PDE1A: variants seen among roughly 807,000 people sequenced by gnomAD.
The protein encoded by PDE1A is phosphodiesterase 1A, also known as dual specificity calcium/calmodulin-dependent 3',5'-cyclic nucleotide phosphodiesterase 1A.
A neutral mutation model predicts 61.7 loss-of-function variants in PDE1A; 35 were observed. The ratio of observed to expected loss-of-function variants is 0.57; its 90% CI spans 0.43 to 0.75. PDE1A has a LOEUF of 0.75. Ranked by LOEUF, PDE1A falls within the 30% of genes least tolerant of loss-of-function variation. The pLI is 0.00. For synonymous variants in PDE1A, 232 were observed against 213.2 expected, an observed-to-expected ratio of 1.09 and a Z score of -0.77; for missense variants, 597 against 630.6, an observed-to-expected ratio of 0.95 and a Z score of 0.57.
At chr2:182,294,619 C>T (rs1694751666) in intron 1 of PDE1A, among the ~76,000 whole-genome samples, 2 of 152,130 alleles carry the variant, frequency 1.3e-5, no homozygotes, top group Non-Finnish European at 1.5e-5. Flanking sequence ...TCACATTACC[C>T]TGTGTCTTTC....
At chr2:182,529,290 T>C in the PDE1A span, among the ~76,000 whole-genome samples, 1 of 152,150 alleles carries the variant, frequency 6.6e-6, no homozygotes, top group Non-Finnish European at 1.5e-5. Context: ...TCAAAGGAGA[T>C]CATTTTGGAG....
At chr2:182,673,041 A>G in the PDE1A span, among the ~76,000 whole-genome samples, 79 of 152,310 alleles carry the variant, frequency 5.2e-4, no homozygotes, top group African/African-American at 1.9e-3. Context: ...ACAGCAGAGT[A>G]ATTTTTCCGG....
At chr2:182,693,065 G>A in the PDE1A span, among the ~76,000 whole-genome samples, 11 of 152,146 alleles carry the variant, frequency 7.2e-5, no homozygotes, top group Admixed American at 2.6e-4. Flanking sequence ...ACTCCAGCCT[G>A]GGTGACAGAG....
the PDE1A span, among the ~76,000 whole-genome samples, chr2:182,664,296 G>T: frequency 6.6e-6 from 1 of 152,104 alleles, no homozygotes; most frequent in East Asian, 1.9e-4. Flanking sequence ...TTGCAAATAT[G>T]ACCATGGATT....
At chr2:182,320,352 G>A (rs540533422) in intron 1 of PDE1A, among the ~76,000 whole-genome samples, 1 of 152,252 alleles carries the variant, frequency 6.6e-6, no homozygotes, top group South Asian at 2.1e-4. Context: ...AGGTGCTGGG[G>A]TATGAGGGCT....
chr2:182,232,949 G>A (rs1464267967), intron 4 of PDE1A, among the ~76,000 whole-genome samples: 1 of 152,146 alleles, frequency 6.6e-6, no homozygotes, highest in Non-Finnish European at 1.5e-5. Flanking sequence ...AGAACAAACA[G>A]GACAAGGAGG....
At chr2:182,194,253 G>T (rs1685948972) in intron 10 of PDE1A, among the ~76,000 whole-genome samples, 1 of 152,054 alleles carries the variant, frequency 6.6e-6, no homozygotes. Flanking sequence ...ACATTTTGAT[G>T]GAAGTAACTA....
chr2:182,445,487 A>G (rs1685075997), intron 2 of PDE1A, among the ~76,000 whole-genome samples: 1 of 152,112 alleles, frequency 6.6e-6, no homozygotes, highest in African/African-American at 2.4e-5. Flanking sequence ...TTCCTTCAGG[A>G]GAGTTGAAAC....
At chr2:182,155,223 A>C (rs909199150) in intron 13 of PDE1A, among the ~76,000 whole-genome samples, 1 of 151,688 alleles carries the variant, frequency 6.6e-6, no homozygotes. Context: ...AAGTAGCTGG[A>C]ACTACACAAG....
chr2:182,348,935 A>C (rs1003739174), intron 1 of PDE1A, among the ~76,000 whole-genome samples: 88 of 152,158 alleles, frequency 5.8e-4, no homozygotes, highest in Admixed American at 3.5e-3. Context: ...GAGGTGGGAC[A>C]GTTTGAATTT....
chr2:182,384,627 G>GA (rs1700925380), intron 1 of PDE1A, among the ~76,000 whole-genome samples: 1 of 151,564 alleles, frequency 6.6e-6, no homozygotes, highest in African/African-American at 2.4e-5. Flanking sequence ...TCAGAAGAGG[G>GA]AAAAAAATAA....
At chr2:182,680,534 T>C in the PDE1A span, among the ~76,000 whole-genome samples, 1 of 152,186 alleles carries the variant, frequency 6.6e-6, no homozygotes, top group Non-Finnish European at 1.5e-5. Context: ...AAGAAATACA[T>C]AGATACTATT....
intron 1 of PDE1A, among the ~76,000 whole-genome samples, chr2:182,397,139 T>C (rs907442568): frequency 7.2e-5 from 11 of 152,270 alleles, no homozygotes; most frequent in Middle Eastern, 3.4e-3. Flanking sequence ...CACTATTACC[T>C]TTCATTTCAA....
At chr2:182,637,086 C>G in the PDE1A span, among the ~76,000 whole-genome samples, 1 of 152,314 alleles carries the variant, frequency 6.6e-6, no homozygotes, top group East Asian at 1.9e-4. Context: ...CAGGACAACC[C>G]AGGATAATCT....
chr2:182,332,943 A>C (rs1455537349), intron 1 of PDE1A, among the ~76,000 whole-genome samples: 1 of 152,222 alleles, frequency 6.6e-6, no homozygotes, highest in Non-Finnish European at 1.5e-5. Context: ...AGTGTCTGAT[A>C]AACAGACTTT....
chr2:182,455,075 C>A (rs189852024), intron 2 of PDE1A, among the ~76,000 whole-genome samples: 5,547 of 151,924 alleles, frequency 0.037, 127 homozygotes, highest in Middle Eastern at 0.075. Flanking sequence ...AAACAAACAA[C>A]CCCATCAAAA....
chr2:182,599,291 A>G, the PDE1A span, among the ~76,000 whole-genome samples: 2 of 152,184 alleles, frequency 1.3e-5, no homozygotes, highest in African/African-American at 2.4e-5. Flanking sequence ...CAACTAAAGC[A>G]GCTGCTTGAG....
chr2:182,445,365 G>T lies in PDE1A; in HGVS notation c.101+76911C>A, dbSNP rs139924817. Among the ~76,000 whole-genome samples the T allele has an allele frequency of 5.0e-3, 765 of 152,186 alleles. 6 individuals are homozygous for T. Among genetic ancestry groups the T allele is most frequent in the South Asian group, 0.029 (141 of 4,822 alleles). ...ATTTAGAGTAAATAGTTTATGCCTT[G>T]AGCTATCGCCTCAAAATAAACATTC... On this transcript the variant is annotated intron_variant, in intron 2 of 14. Coordinates refer to the PDE1A transcript ENST00000410103.
the PDE1A span, among the ~76,000 whole-genome samples, chr2:182,540,538 G>T: frequency 6.6e-6 from 1 of 151,824 alleles, no homozygotes; most frequent in Non-Finnish European, 1.5e-5. Context: ...TATTAAATTG[G>T]CCACACTGAT....
Sources: allele counts gnomAD v4.1 joint callset (sites outside exome capture counted in the v4.1 genomes callset), GRCh38; gene constraint gnomAD v4.1.1; transcripts MANE v1.5; gene names NCBI Gene and HGNC (gene_info 2026-07-23, HGNC 2026-07-21).